The following MACROD2 variants were observed in gnomAD, a reference collection of about 807,000 sequenced individuals.
MACROD2 encodes the protein ADP-ribose glycohydrolase MACROD2.
A neutral mutation model predicts 70.4 loss-of-function variants in MACROD2; 36 were observed. The ratio of observed to expected loss-of-function variants is 0.51; its 90% CI spans 0.39 to 0.68. The LOEUF (loss-of-function observed/expected upper bound fraction) is 0.68, where lower values mean the gene tolerates loss of function less well. MACROD2 is among the 30% of genes least tolerant of loss of function. The pLI is 0.00. For missense variants in MACROD2, 496 were observed against 538.4 expected, an observed-to-expected ratio of 0.92 and a Z score of 0.78; for synonymous variants, 172 against 178.8, an observed-to-expected ratio of 0.96 and a Z score of 0.30.
chr20:16,048,556 C>G (rs563039324), intron 17 of MACROD2, among the ~76,000 whole-genome samples: 2 of 152,192 alleles, frequency 1.3e-5, no homozygotes, highest in East Asian at 1.9e-4. Context: ...CCAGGTTTAA[C>G]TTAATTTGGA....
At chr20:14,308,923 T>A (rs1194770749) in intron 3 of MACROD2, among the ~76,000 whole-genome samples, 2 of 152,116 alleles carry the variant, frequency 1.3e-5, no homozygotes, top group Non-Finnish European at 2.9e-5. Flanking sequence ...TTAATAACAA[T>A]CTAATGGAAG....
chr20:14,185,378 CCT>C (rs2081336684), intron 3 of MACROD2, among the ~76,000 whole-genome samples: 2 of 152,100 alleles, frequency 1.3e-5, no homozygotes, highest in Non-Finnish European at 2.9e-5. Context: ...CTACGTTTCT[CCT>C]CAGTGTGTTC....
intron 4 of MACROD2, among the ~76,000 whole-genome samples, chr20:14,540,266 C>T (rs1230709668): frequency 1.3e-5 from 2 of 152,034 alleles, no homozygotes; most frequent in African/African-American, 4.8e-5. Flanking sequence ...CGTTTACTTC[C>T]CCAGATGGTT....
intron 8 of MACROD2, among the ~76,000 whole-genome samples, chr20:15,527,183 T>C (rs1053753526): frequency 4.6e-5 from 7 of 152,176 alleles, no homozygotes; most frequent in Admixed American, 2.6e-4. Flanking sequence ...GCCCACCAGA[T>C]ATCAGTAAAT....
intron 3 of MACROD2, among the ~76,000 whole-genome samples, chr20:14,247,174 C>T (rs2081974404): frequency 6.6e-6 from 1 of 151,970 alleles, no homozygotes; most frequent in Non-Finnish European, 1.5e-5. Context: ...AAATTATTAA[C>T]AATAGAGAAG....
chr20:14,840,641 A>G (rs139956448), intron 5 of MACROD2, among the ~76,000 whole-genome samples: 190 of 152,232 alleles, frequency 1.2e-3, no homozygotes, highest in African/African-American at 4.1e-3. Flanking sequence ...AACAACATAC[A>G]TTAAAACTAA....
chr20:14,292,047 G>A (rs1159025034), intron 3 of MACROD2, among the ~76,000 whole-genome samples: 1 of 151,872 alleles, frequency 6.6e-6, no homozygotes, highest in Non-Finnish European at 1.5e-5. Flanking sequence ...TGTGAAGCAC[G>A]AATAGCATCT....
chr20:14,499,727 C>A (rs926984672), intron 4 of MACROD2, among the ~76,000 whole-genome samples: 1 of 152,080 alleles, frequency 6.6e-6, no homozygotes, highest in African/African-American at 2.4e-5. Context: ...CTCCTTCCCT[C>A]CTCCCCGTCT....
chr20:15,445,806 G>T (rs1469259379), intron 7 of MACROD2, among the ~76,000 whole-genome samples: 1 of 152,122 alleles, frequency 6.6e-6, no homozygotes, highest in Admixed American at 6.6e-5. Context: ...GAGTTGCTGA[G>T]TGACTTGGCT....
intron 8 of MACROD2, among the ~76,000 whole-genome samples, chr20:15,748,834 A>G (rs2051225059): frequency 6.6e-6 from 1 of 152,116 alleles, no homozygotes; most frequent in Non-Finnish European, 1.5e-5. Context: ...ATTTTGACAA[A>G]CACGTATATA....
At chr20:14,988,528 G>A (rs1413280326) in intron 5 of MACROD2, among the ~76,000 whole-genome samples, 1 of 152,096 alleles carries the variant, frequency 6.6e-6, no homozygotes, top group South Asian at 2.1e-4. Context: ...CAGGAAGGAA[G>A]GGTTTCTTCA....
At chr20:14,606,464 T>C (rs1487284135) in intron 4 of MACROD2, among the ~76,000 whole-genome samples, 1 of 142,020 alleles carries the variant, frequency 7.0e-6, no homozygotes, top group Non-Finnish European at 1.6e-5. Flanking sequence ...ACCAGTTAAA[T>C]TAATTAGTTC....
At chr20:14,984,298 G>A (rs888823044) in intron 5 of MACROD2, among the ~76,000 whole-genome samples, 1 of 152,148 alleles carries the variant, frequency 6.6e-6, no homozygotes, top group Non-Finnish European at 1.5e-5. Flanking sequence ...ATGTTCTTGG[G>A]CGGAGAACTA....
chr20:14,318,587 T>C lies in MACROD2; in HGVS notation c.272-174892T>C, dbSNP rs561730941. 7.2e-5 allele frequency among the ~76,000 whole-genome samples: 11 copies of C among 152,330 alleles called. No individual in the cohort carries two copies. In the East Asian group the frequency reaches 2.1e-3, roughly 29 times the overall value. ...TTTGAGATAAAGTTGGATTTAATTCTGTTTCAAAGTGTGAAGAATAGAGCA... is the reference window on the plus strand; with the variant it reads ...TTTGAGATAAAGTTGGATTTAATTCCGTTTCAAAGTGTGAAGAATAGAGCA... On this transcript the variant is annotated intron_variant, in intron 3 of 17. Coordinates refer to ENST00000684519, the MANE Select transcript of MACROD2 (RefSeq NM_001351661.2).
chr20:15,434,081 A>G (rs1376955035), intron 7 of MACROD2, among the ~76,000 whole-genome samples: 2 of 152,130 alleles, frequency 1.3e-5, no homozygotes, highest in Non-Finnish European at 2.9e-5. Context: ...ACCTGAAACC[A>G]TAAAAATTCT....
At chr20:14,655,840 A>ATTGGC (rs1213356629) in intron 4 of MACROD2, among the ~76,000 whole-genome samples, 4 of 152,212 alleles carry the variant, frequency 2.6e-5, no homozygotes, top group Non-Finnish European at 5.9e-5. Flanking sequence ...GTATGAGTTA[A>ATTGGC]TTGGCTTTCT....
intron 8 of MACROD2, among the ~76,000 whole-genome samples, chr20:15,563,077 G>A (rs114854806): frequency 6.8e-4 from 103 of 152,330 alleles, no homozygotes; most frequent in African/African-American, 2.2e-3. Flanking sequence ...TTCGAAATAT[G>A]TGTGTGCATG....
chr20:15,876,158 A>G (rs1458557321), intron 9 of MACROD2, among the ~76,000 whole-genome samples: 1 of 138,908 alleles, frequency 7.2e-6, no homozygotes, highest in Non-Finnish European at 1.5e-5. Context: ...GTACATGTGC[A>G]CAAAGTGCAG....
At chr20:14,994,133 TAC>T (rs2074929476) in intron 5 of MACROD2, among the ~76,000 whole-genome samples, 1 of 152,158 alleles carries the variant, frequency 6.6e-6, no homozygotes, top group African/African-American at 2.4e-5. Context: ...CATATGTGTG[TAC>T]ACATACATGT....
Sources: allele counts gnomAD v4.1 joint callset (sites outside exome capture counted in the v4.1 genomes callset), GRCh38; gene constraint gnomAD v4.1.1; transcripts MANE v1.5; gene names NCBI Gene and HGNC (gene_info 2026-07-23, HGNC 2026-07-21).